HDAC9: variants seen among roughly 807,000 people sequenced by gnomAD.
HDAC9 encodes histone deacetylase 9, also known as MEF-2 interacting transcription repressor (MITR) protein.
In HDAC9, 41 loss-of-function variants were observed where a neutral mutation model predicts 139.4. That is an observed-to-expected ratio of 0.29 (90% CI 0.23 to 0.38). HDAC9 has a LOEUF of 0.38. HDAC9 is among the 10% of genes least tolerant of loss of function. HDAC9 has a pLI of 1.00. For synonymous variants in HDAC9, 517 were observed against 476.2 expected (o/e 1.09, Z -1.12); for missense variants, 1,147 against 1,297.0 (o/e 0.88, Z 1.78).
intron 1 of HDAC9, among the ~76,000 whole-genome samples, chr7:18,320,815 G>C (rs1318939878): frequency 6.6e-6 from 1 of 152,146 alleles, no homozygotes; most frequent in Admixed American, 6.5e-5. Flanking sequence ...GCCGGGGGTA[G>C]ACCCTATTTG....
chr7:18,945,665 A>G (rs1782328344), intron 23 of HDAC9, among the ~76,000 whole-genome samples: 1 of 152,158 alleles, frequency 6.6e-6, no homozygotes, highest in Admixed American at 6.6e-5. Flanking sequence ...GGCATTGAAT[A>G]TGTATATGGC....
chr7:18,672,861 T>A (rs1275823555), intron 12 of HDAC9, among the ~76,000 whole-genome samples: 1 of 151,992 alleles, frequency 6.6e-6, no homozygotes, highest in Non-Finnish European at 1.5e-5. Context: ...CAAAAGTAAT[T>A]GCGGTTTTTG....
chr7:18,153,428 C>T (rs781535959), intron 1 of HDAC9, among the ~76,000 whole-genome samples: 20 of 152,212 alleles, frequency 1.3e-4, no homozygotes, highest in Non-Finnish European at 2.5e-4. Context: ...CAGCCCACGA[C>T]CAGTCTGATT....
At chr7:18,173,299 T>G (rs1205283646) in intron 2 of HDAC9, among the ~76,000 whole-genome samples, 1 of 152,242 alleles carries the variant, frequency 6.6e-6, no homozygotes, top group Non-Finnish European at 1.5e-5. Flanking sequence ...GCTTTCCATT[T>G]GCTTGGTAGA....
At chr7:18,450,037 A>T (rs1792671562) in intron 1 of HDAC9, among the ~76,000 whole-genome samples, 1 of 152,208 alleles carries the variant, frequency 6.6e-6, no homozygotes, top group Non-Finnish European at 1.5e-5. Flanking sequence ...ATCTCAAAAG[A>T]TCATGCTACC....
At chr7:18,736,251 GC>G in intron 13 of HDAC9, among the ~76,000 whole-genome samples, 1 of 152,050 alleles carries the variant, frequency 6.6e-6, no homozygotes, top group Non-Finnish European at 1.5e-5. Flanking sequence ...GATTGCCCTG[GC>G]CAGAAGTTCC....
chr7:18,450,073 G>C (rs1466493381), intron 1 of HDAC9, among the ~76,000 whole-genome samples: 1 of 152,174 alleles, frequency 6.6e-6, no homozygotes, highest in East Asian at 1.9e-4. Context: ...AGTTGAGGCT[G>C]CATGGCCACT....
chr7:18,833,224 AT>A (rs1304411180), intron 19 of HDAC9, among the ~76,000 whole-genome samples: 1 of 152,212 alleles, frequency 6.6e-6, no homozygotes, highest in Non-Finnish European at 1.5e-5. Context: ...TGTGAACAGG[AT>A]TTTATTTCTT....
chr7:18,431,594 C>A (rs747145099), intron 1 of HDAC9, among the ~76,000 whole-genome samples: 1 of 152,194 alleles, frequency 6.6e-6, no homozygotes, highest in Non-Finnish European at 1.5e-5. Context: ...AATGAGAGGG[C>A]TCCCAGGCAA....
intron 2 of HDAC9, among the ~76,000 whole-genome samples, chr7:18,550,720 G>C (rs959474861): frequency 6.6e-6 from 1 of 152,174 alleles, no homozygotes; most frequent in Admixed American, 6.5e-5. Context: ...AAAGGCACTA[G>C]GATGTGAGAT....
At chr7:18,779,965 C>T (rs147426297) in intron 16 of HDAC9, among the ~76,000 whole-genome samples, 4 of 152,012 alleles carry the variant, frequency 2.6e-5, no homozygotes, top group African/African-American at 7.2e-5. Context: ...AGGCAGAGAG[C>T]CTTCATTTAG....
chr7:18,568,979 G>A (rs557325851), intron 2 of HDAC9, among the ~76,000 whole-genome samples: 56 of 152,088 alleles, frequency 3.7e-4, no homozygotes, highest in African/African-American at 1.3e-3. Context: ...CCCGGGAGGC[G>A]AAAGTTGCAA....
chr7:18,640,550 C>T (rs1346445668), intron 8 of HDAC9, among the ~76,000 whole-genome samples: 3 of 151,474 alleles, frequency 2.0e-5, no homozygotes, highest in African/African-American at 4.8e-5. Flanking sequence ...TTGGTTCCTT[C>T]TCTCCATCTC....
chr7:18,639,374 G>C (rs752600226), intron 8 of HDAC9, among the ~76,000 whole-genome samples: 1 of 152,052 alleles, frequency 6.6e-6, no homozygotes, highest in African/African-American at 2.4e-5. Flanking sequence ...GGAATAACAT[G>C]AGTCAATATT....
chr7:18,454,561 A>G (rs1793172479), intron 1 of HDAC9, among the ~76,000 whole-genome samples: 1 of 152,076 alleles, frequency 6.6e-6, no homozygotes, highest in Non-Finnish European at 1.5e-5. Flanking sequence ...TAAGCTCAAC[A>G]TAATATATTC....
At chr7:18,796,442 G>T (rs1792806064) in intron 17 of HDAC9, among the ~76,000 whole-genome samples, 1 of 152,196 alleles carries the variant, frequency 6.6e-6, no homozygotes, top group African/African-American at 2.4e-5. Context: ...TCCTGTTAAT[G>T]CTTAAATAGA....
At chr7:18,500,412 A>G (rs907722333) in intron 2 of HDAC9, among the ~76,000 whole-genome samples, 1 of 152,132 alleles carries the variant, frequency 6.6e-6, no homozygotes, top group Non-Finnish European at 1.5e-5. Context: ...GAGCAAAGAA[A>G]ATGATATAAC....
At chr7:18,637,754 C>T (rs1377583770) in intron 8 of HDAC9, among the ~76,000 whole-genome samples, 1 of 152,008 alleles carries the variant, frequency 6.6e-6, no homozygotes, top group Non-Finnish European at 1.5e-5. Flanking sequence ...ACAAAAAATG[C>T]AACCCTGATG....
intron 1 of HDAC9, among the ~76,000 whole-genome samples, chr7:18,134,857 A>G (rs1785278288): frequency 6.6e-6 from 1 of 152,204 alleles, no homozygotes. Context: ...ATTGTTTTCA[A>G]AGTGGAATTC....
Sources: allele counts gnomAD v4.1 joint callset (sites outside exome capture counted in the v4.1 genomes callset), GRCh38; gene constraint gnomAD v4.1.1; transcripts MANE v1.5; gene names NCBI Gene and HGNC (gene_info 2026-07-23, HGNC 2026-07-21).